The following RBM47 variants were observed in gnomAD, a reference collection of about 807,000 sequenced individuals.
RBM47 encodes RNA-binding protein 47.
Under a neutral mutation model 47.1 loss-of-function variants are expected in RBM47, and 21 were observed. The ratio of observed to expected loss-of-function variants is 0.45; its 90% confidence interval spans 0.32 to 0.64. The LOEUF (loss-of-function observed/expected upper bound fraction) is 0.64. RBM47 is among the 30% of genes least tolerant of loss of function. The probability of loss-of-function intolerance (pLI) is 0.05; values close to 1 mark genes in which losing one functional copy is unlikely to be tolerated. For synonymous variants in RBM47, 375 were observed against 361.7 expected, an observed-to-expected ratio of 1.04 and a Z score of -0.42; for missense variants, 708 against 870.9, an observed-to-expected ratio of 0.81 and a Z score of 2.35.
At chr4:40,481,416 G>A (rs1720370687) in intron 2 of RBM47, among the ~76,000 whole-genome samples, 1 of 146,538 alleles carries the variant, frequency 6.8e-6, no homozygotes, top group Non-Finnish European at 1.5e-5. Context: ...GGGACTACAG[G>A]TGAATGTCAC....
chr4:40,550,750 T>C (rs1729485697), intron 1 of RBM47, among the ~76,000 whole-genome samples: 1 of 151,986 alleles, frequency 6.6e-6, no homozygotes, highest in East Asian at 1.9e-4. Context: ...TTAATAAAGA[T>C]TGAAGGGACG....
chr4:40,486,098 G>C (rs1353021106), intron 2 of RBM47, among the ~76,000 whole-genome samples: 1 of 93,010 alleles, frequency 1.1e-5, no homozygotes, highest in Admixed American at 1.1e-4. Flanking sequence ...AAAAAAAAAA[G>C]AGCTTAGTGT....
At chr4:40,620,733 C>A (rs1352468971) in intron 1 of RBM47, among the ~76,000 whole-genome samples, 1 of 151,862 alleles carries the variant, frequency 6.6e-6, no homozygotes, top group East Asian at 1.9e-4. Flanking sequence ...GGGTTTTCGC[C>A]ATGTTGCCCA....
chr4:40,547,517 G>C, intron 1 of RBM47, among the ~76,000 whole-genome samples: 1 of 152,136 alleles, frequency 6.6e-6, no homozygotes, highest in East Asian at 1.9e-4. Flanking sequence ...ACAACCATGA[G>C]AAAATAAATG....
intron 1 of RBM47, among the ~76,000 whole-genome samples, chr4:40,615,373 G>A (rs1225266031): frequency 6.6e-6 from 1 of 152,124 alleles, no homozygotes; most frequent in Non-Finnish European, 1.5e-5. Flanking sequence ...AACCCAGGAG[G>A]TCAAGGCTGC....
intron 2 of RBM47, among the ~76,000 whole-genome samples, chr4:40,491,040 G>A (rs1328338917): frequency 2.0e-5 from 3 of 152,118 alleles, no homozygotes; most frequent in Non-Finnish European, 4.4e-5. Context: ...TACAGTAAAC[G>A]AGACAGTGTA....
At chr4:40,526,355 G>C (rs561042347) in intron 2 of RBM47, among the ~76,000 whole-genome samples, 5 of 152,182 alleles carry the variant, frequency 3.3e-5, no homozygotes, top group African/African-American at 1.2e-4. Context: ...AGAGAAGATA[G>C]AGTTTAATTC....
Position 40,437,138 on chromosome 4 carries a change from CATATATATATATAAAATACAT to C in RBM47, c.1124-512_1124-492del, listed in dbSNP as rs1366585409. The stretch of plus-strand genomic sequence containing the variant: ...AATACATATATATATATATAAAATA[CATATATATATATAAAATACAT>C]ATATATATATATAATACATATATAT... On this transcript the variant is annotated intron_variant, in intron 4 of 6. Coordinates refer to ENST00000295971, the MANE Select transcript of RBM47 (RefSeq NM_001098634.2). 1.3e-3 allele frequency among the ~76,000 whole-genome samples: 99 copies of C among 76,314 alleles called. 1 individual carries two copies. The highest frequency in any genetic ancestry group is 3.3e-3 in the African/African-American group (44 of 13,214). 50.1% of individuals were successfully genotyped at this position (76,314 alleles called of 152,430 possible).
chr4:40,519,028 CTATAAAAAAAAAAA>C (rs201083786), intron 2 of RBM47, among the ~76,000 whole-genome samples: 1,798 of 145,778 alleles, frequency 0.012, 24 homozygotes, highest in African/African-American at 0.029. Context: ...ACCCTTGTTT[CTATAAAAAAAAAAA>C]TATAAAAAAT....
chr4:40,426,067 C>A lies in RBM47; in HGVS notation c.1619G>T (p.Ser540Ile). The change falls in exon 7 of 7, where the codon AGT (serine) becomes ATT (isoleucine). Residue 540 changes from serine (S) to isoleucine (I), a missense_variant. Coordinates refer to ENST00000295971, the MANE Select transcript of RBM47 (RefSeq NM_001098634.2). ...RIPTAGIYGA[S>I]YVPFAAPATA... ...AGCTGGAGCAGCAAATGGCACGTAA[C>A]TGGCCCCGTAGATCCCGGCAGTAGG... 4 of 1,614,242 alleles carry A rather than the reference C, an allele frequency of 2.5e-6. No individual in the cohort carries two copies. The highest frequency in any genetic ancestry group is 3.4e-6 in the Non-Finnish European group (4 of 1,180,048).
chr4:40,495,026 C>T (rs532938775), intron 2 of RBM47, among the ~76,000 whole-genome samples: 2 of 152,096 alleles, frequency 1.3e-5, no homozygotes, highest in East Asian at 1.9e-4. Context: ...AGGCTAGTCT[C>T]GAATTCCCCA....
chr4:40,466,009 G>A (rs895300506), intron 3 of RBM47, among the ~76,000 whole-genome samples: 9 of 152,098 alleles, frequency 5.9e-5, no homozygotes, highest in African/African-American at 1.7e-4. Context: ...GCTCATGTCC[G>A]TAATCCCAGG....
intron 1 of RBM47, among the ~76,000 whole-genome samples, chr4:40,551,275 ATC>A (rs1262114877): frequency 2.0e-5 from 3 of 152,292 alleles, no homozygotes; most frequent in East Asian, 1.9e-4. Flanking sequence ...AGACAATTTA[ATC>A]TCTGTTTACT....
chr4:40,545,389 C>T (rs976138737), intron 1 of RBM47, among the ~76,000 whole-genome samples: 2 of 147,170 alleles, frequency 1.4e-5, no homozygotes, highest in Non-Finnish European at 3.0e-5. Context: ...AGAGGCCAGG[C>T]GCAGTGGCTC....
chr4:40,443,355 G>A (rs910954565), intron 3 of RBM47, among the ~76,000 whole-genome samples: 2 of 151,906 alleles, frequency 1.3e-5, no homozygotes, highest in African/African-American at 4.8e-5. Flanking sequence ...AAAAAGAAAA[G>A]GTTCAGAGAT....
intron 1 of RBM47, among the ~76,000 whole-genome samples, chr4:40,549,506 TG>T (rs1333512618): frequency 2.7e-5 from 4 of 150,324 alleles, no homozygotes; most frequent in African/African-American, 9.9e-5. Context: ...GTGCAATAAA[TG>T]TTTTTTTTGT....
At chr4:40,630,736 A>C (rs1361714664), upstream of RBM47, 1 of 152,240 alleles carries the variant, frequency 6.6e-6, no homozygotes, top group Non-Finnish European at 1.5e-5. Context: ...ATTCCCAAGA[A>C]ACCCAGATGT....
intron 1 of RBM47, among the ~76,000 whole-genome samples, chr4:40,545,392 A>C (rs1383852583): frequency 1.4e-5 from 2 of 142,832 alleles, no homozygotes; most frequent in African/African-American, 5.0e-5. Context: ...GGCCAGGCGC[A>C]GTGGCTCACA....
chr4:40,474,902 G>A (rs533170337), intron 2 of RBM47, among the ~76,000 whole-genome samples: 2 of 152,318 alleles, frequency 1.3e-5, no homozygotes, highest in East Asian at 3.9e-4. Context: ...GGTTAAGAGA[G>A]AAGAGTATTT....
Sources: allele counts gnomAD v4.1 joint callset (sites outside exome capture counted in the v4.1 genomes callset), GRCh38; gene constraint gnomAD v4.1.1; transcripts MANE v1.5; gene names NCBI Gene and HGNC (gene_info 2026-07-23, HGNC 2026-07-21).